Variants in EIF4G3 observed in about 807,000 individuals in gnomAD.
EIF4G3 encodes the protein eukaryotic translation initiation factor 4 gamma 3.
EIF4G3 carries 34 observed loss-of-function variants against 186.4 expected under a neutral mutation model. The observed-to-expected ratio is 0.18, with a 90% CI of 0.14 to 0.24. The LOEUF is 0.24. Among genes scored for constraint, EIF4G3 ranks in the 10% least tolerant of loss-of-function variants. The probability of loss-of-function intolerance (pLI) is 1.00; values close to 1 mark genes in which losing one functional copy is unlikely to be tolerated. For synonymous variants in EIF4G3, 673 were observed against 679.5 expected, an observed-to-expected ratio of 0.99 and a Z score of 0.15; for missense variants, 1,536 against 1,948.5, an observed-to-expected ratio of 0.79 and a Z score of 3.99.
At chr1:21,114,086 T>C (rs2096774894) in intron 2 of EIF4G3, among the ~76,000 whole-genome samples, 1 of 152,146 alleles carries the variant, frequency 6.6e-6, no homozygotes, top group Admixed American at 6.6e-5. Flanking sequence ...TATTGGAAAG[T>C]TGTCAAGTTC....
At chr1:20,883,340 C>G (rs527332705) in intron 19 of EIF4G3, among the ~76,000 whole-genome samples, 2 of 152,050 alleles carry the variant, frequency 1.3e-5, no homozygotes, top group South Asian at 4.1e-4. Context: ...AAATGAGGGC[C>G]GGGGGTGGTG....
At chr1:21,111,466 T>C (rs2096724886) in intron 2 of EIF4G3, 5 of 440,720 alleles carry the variant, frequency 1.1e-5, no homozygotes, top group Non-Finnish European at 2.4e-5. Context: ...AGCTCTTCCA[T>C]AAAGATCATG....
At chr1:21,117,599 CTG>C (rs2096847419) in intron 2 of EIF4G3, among the ~76,000 whole-genome samples, 1 of 151,386 alleles carries the variant, frequency 6.6e-6, no homozygotes, top group Non-Finnish European at 1.5e-5. Context: ...AATAATAAGA[CTG>C]AGGGAGGTAA....
At chr1:20,950,268 T>G (rs1466898989) in intron 12 of EIF4G3, among the ~76,000 whole-genome samples, 157 bp from the exon 13 acceptor site, 1 of 151,780 alleles carries the variant, frequency 6.6e-6, no homozygotes, top group Non-Finnish European at 1.5e-5. Context: ...TTTAATAAAT[T>G]CAAAAGTACA....
Position 20,850,101 on chromosome 1 carries a change from C to G in EIF4G3, c.3773-571G>C, listed in dbSNP as rs540283092. ...GATAGTTCTAAGTATTCTCTTAGAA[C>G]TAAATTCCTTCCTTCATAGCACCTT... is the stretch of plus-strand genomic sequence containing the variant. On this transcript the variant is annotated intron_variant, in intron 28 of 36. Transcript: ENST00000602326. 2.6e-5 allele frequency among the ~76,000 whole-genome samples: 4 copies of G among 152,218 alleles called. No individual in the cohort carries two copies. The East Asian group carries it at 7.7e-4, about 29-fold the overall frequency.
intron 4 of EIF4G3, among the ~76,000 whole-genome samples, chr1:21,038,575 C>T (rs764339149): frequency 2.0e-5 from 3 of 152,154 alleles, no homozygotes; most frequent in Admixed American, 6.5e-5. Flanking sequence ...ATTTGTCACA[C>T]GAGACCACTA....
In EIF4G3 at chr1:21,038,278, T is replaced by C. The variant is rs761769050; in HGVS notation, c.-67+12588A>G. Among the ~76,000 whole-genome samples, 14 of 152,206 alleles carry C rather than the reference T, an allele frequency of 9.2e-5. 1 individual carries two copies. The highest frequency in any genetic ancestry group is 2.1e-4 in the Non-Finnish European group (14 of 68,026). ...GTTTTCTCTCCAATCCCAGGACCAG[T>C]TCCCCCAAGACTGTGGGCTAAAAGC... On this transcript the variant is annotated intron_variant, in intron 4 of 36. Transcript: ENST00000602326.
chr1:21,111,527 T>C, intron 2 of EIF4G3: 1 of 330,268 alleles, frequency 3.0e-6, no homozygotes, highest in South Asian at 2.5e-5. Context: ...AAGACATCTC[T>C]CCCAGATTCC....
In EIF4G3 at chr1:20,942,077, G is replaced by A. The variant is rs2095738533; in HGVS notation, c.1077C>T (p.Leu359=). ...GAATTGTGTCTTCTCTTGGGGATGA[G>A]AGTTCACATCTGTCATCTATAGCAG... ...FTTAIDDRCE[L]SSPREDTIPI... is the part of the protein sequence containing the mutation. Residue 359 remains leucine, a synonymous_variant, in exon 14 of 37, where the codon CTC becomes CTT. Transcript: ENST00000602326. 2 of 1,614,194 alleles carry A rather than the reference G, an allele frequency of 1.2e-6. No individual in the cohort carries two copies. Among genetic ancestry groups the A allele is most frequent in the Non-Finnish European group, 8.5e-7 (1 of 1,180,030 alleles).
intron 20 of EIF4G3, among the ~76,000 whole-genome samples, chr1:20,869,289 G>A (rs996604964): frequency 4.0e-5 from 6 of 151,482 alleles, no homozygotes; most frequent in Admixed American, 2.0e-4. Context: ...GGTTTCTAGA[G>A]GATAGTTTAC....
chr1:20,999,583 A>T (rs2083045214), intron 6 of EIF4G3: 1 of 325,364 alleles, frequency 3.1e-6, no homozygotes, highest in African/African-American at 2.2e-5. Context: ...TCCAGTCAAA[A>T]GAGAATTTTC....
At chr1:21,126,718 G>T (rs964637294) in intron 2 of EIF4G3, among the ~76,000 whole-genome samples, 4 of 152,008 alleles carry the variant, frequency 2.6e-5, no homozygotes, top group African/African-American at 9.7e-5. Context: ...AAGTATCAGA[G>T]AACACATTAA....
intron 20 of EIF4G3, among the ~76,000 whole-genome samples, chr1:20,867,639 T>C (rs1397409711): frequency 6.6e-6 from 1 of 152,184 alleles, no homozygotes; most frequent in Non-Finnish European, 1.5e-5. Flanking sequence ...CTAGTATGGC[T>C]ATATTAAACA....
chr1:21,174,403 T>G (rs912115014), intron 2 of EIF4G3, among the ~76,000 whole-genome samples: 5 of 152,188 alleles, frequency 3.3e-5, no homozygotes, highest in Non-Finnish European at 7.3e-5. Flanking sequence ...AGTGTCACAT[T>G]CAGCACTGTG....
chr1:21,055,122 A>C (rs2094502020), intron 3 of EIF4G3, among the ~76,000 whole-genome samples: 1 of 152,230 alleles, frequency 6.6e-6, no homozygotes, highest in African/African-American at 2.4e-5. Flanking sequence ...TCTACTTTAG[A>C]AAATTAATAA....
At chr1:20,985,158 T>A (rs1043872888) in intron 7 of EIF4G3, among the ~76,000 whole-genome samples, 20 of 152,224 alleles carry the variant, frequency 1.3e-4, no homozygotes, top group African/African-American at 4.6e-4. Flanking sequence ...AGCAGGATCT[T>A]TATCCAACTA....
At chr1:20,903,253 C>T (rs1227511575) in intron 15 of EIF4G3, among the ~76,000 whole-genome samples, 2 of 152,158 alleles carry the variant, frequency 1.3e-5, no homozygotes, top group Non-Finnish European at 2.9e-5. Context: ...TAAGCTACAG[C>T]GGCAAATTTG....
In EIF4G3 at chr1:21,050,204, A is replaced by G. The variant is rs149979258; in HGVS notation, c.-67+662T>C. Among the ~76,000 whole-genome samples the G allele has an allele frequency of 1.9e-3, 288 of 152,346 alleles. 4 individuals carry two copies. The highest frequency in any genetic ancestry group is 7.5e-3 in the East Asian group (39 of 5,188). On this transcript the variant is annotated intron_variant, in intron 4 of 36. Coordinates refer to ENST00000602326, the MANE Select transcript of EIF4G3 (RefSeq NM_001391906.1). ...TTATAACTCTAGCCAACTTTTAACC[A>G]CAAGGAAATCCAAACAAGCTTGCAA...
chr1:21,031,943 A>G (rs540101579), intron 4 of EIF4G3, among the ~76,000 whole-genome samples: 1 of 152,384 alleles, frequency 6.6e-6, no homozygotes, highest in East Asian at 1.9e-4. Flanking sequence ...AACATACAGT[A>G]TGTACTCTAC....
Sources: gnomAD v4.1 joint callset for allele counts (sites outside exome capture counted in the v4.1 genomes callset) on GRCh38, gnomAD v4.1.1 for gene constraint, MANE v1.5 for transcripts, NCBI Gene and HGNC (gene_info 2026-07-23, HGNC 2026-07-21) for gene names.